The following AP3S2 variants were observed in gnomAD, a reference collection of about 807,000 sequenced individuals.
AP3S2 encodes AP-3 complex subunit sigma-2.
Under a neutral mutation model 23.4 loss-of-function variants are expected in AP3S2, and 22 were observed. That is an observed-to-expected ratio of 0.94 (90% CI 0.67 to 1.34). AP3S2 has a LOEUF of 1.34. AP3S2 is among the 40% of genes most tolerant of loss of function. The pLI is 0.00. For synonymous variants in AP3S2, 86 were observed against 87.1 expected, an observed-to-expected ratio of 0.99 and a Z score of 0.07; for missense variants, 241 against 236.9, an observed-to-expected ratio of 1.02 and a Z score of -0.11.
chr15:89,879,748 G>C (rs752680699), intron 3 of AP3S2, among the ~76,000 whole-genome samples: 10 of 151,934 alleles, frequency 6.6e-5, no homozygotes, highest in Non-Finnish European at 1.3e-4. Flanking sequence ...TGGGACTACA[G>C]GCACCTGTCA....
intron 4 of AP3S2, among the ~76,000 whole-genome samples, chr15:89,853,320 C>T (rs2141853621): frequency 6.6e-6 from 1 of 152,238 alleles, no homozygotes; most frequent in South Asian, 2.1e-4. Flanking sequence ...AGCAATTATT[C>T]ACTAATTCCG....
intron 4 of AP3S2, among the ~76,000 whole-genome samples, chr15:89,859,684 C>T (rs1326175769): frequency 4.0e-5 from 6 of 151,572 alleles, no homozygotes; most frequent in African/African-American, 9.7e-5. Flanking sequence ...CTCGAGCCAC[C>T]GCGCCCAGCC....
intron 4 of AP3S2, among the ~76,000 whole-genome samples, chr15:89,846,365 T>C (rs1013875781): frequency 6.6e-6 from 1 of 152,052 alleles, no homozygotes; most frequent in African/African-American, 2.4e-5. Flanking sequence ...TCTTTATTTT[T>C]TTTTTTTCTT....
At position 89,840,310 on chromosome 15, in the gene AP3S2, G is replaced by C. The variant is rs28445616; in HGVS notation, c.346-2588C>G. 3.3e-5 allele frequency among the ~76,000 whole-genome samples: 5 copies of C among 152,250 alleles called. No homozygotes were observed. The South Asian group carries it at 1.0e-3, about 32-fold the overall frequency. ...TATTCCTTTTATTTAGCCAATCCCT[G>C]TGTGGGTAGAAAGTAGTACTTGTTG... On this transcript the variant is annotated intron_variant, in intron 4 of 5. Coordinates refer to ENST00000336418, the MANE Select transcript of AP3S2 (RefSeq NM_005829.5).
At chr15:89,872,982 A>G (rs1278809468) in intron 3 of AP3S2, among the ~76,000 whole-genome samples, 1 of 152,212 alleles carries the variant, frequency 6.6e-6, no homozygotes, top group Admixed American at 6.5e-5. Flanking sequence ...CCCAGATAAC[A>G]TATCTAACAG....
intron 3 of AP3S2, among the ~76,000 whole-genome samples, chr15:89,886,210 A>G (rs1403380321): frequency 1.3e-5 from 2 of 151,992 alleles, no homozygotes; most frequent in African/African-American, 4.8e-5. Context: ...TTAGCTGGGC[A>G]TGTGCCTGTA....
chr15:89,868,280 G>A (rs1181511174), intron 4 of AP3S2, among the ~76,000 whole-genome samples: 43 of 60,814 alleles, frequency 7.1e-4, no homozygotes, highest in Middle Eastern at 0.014. Flanking sequence ...CTGCCCGGCC[G>A]CCCCTACTGG....
chr15:89,836,159 T>C (rs1895186857), intron 5 of AP3S2, among the ~76,000 whole-genome samples: 1 of 152,174 alleles, frequency 6.6e-6, no homozygotes. Context: ...TGAGGTTAGA[T>C]GGGGTTTGGC....
At chr15:89,878,185 GGGT>G in intron 3 of AP3S2, 2 of 605,962 alleles carry the variant, frequency 3.3e-6, no homozygotes. Flanking sequence ...CAAATAAGCT[GGGT>G]GGTGATGATA....
At chr15:89,858,214 G>A (rs915042620) in intron 4 of AP3S2, among the ~76,000 whole-genome samples, 1 of 151,894 alleles carries the variant, frequency 6.6e-6, no homozygotes, top group African/African-American at 2.4e-5. Context: ...GAGACAGGCG[G>A]ATCACCTGAG....
chr15:89,839,400 C>T (rs901705654), intron 4 of AP3S2, among the ~76,000 whole-genome samples: 6 of 152,230 alleles, frequency 3.9e-5, no homozygotes, highest in African/African-American at 1.4e-4. Flanking sequence ...CACACGCACA[C>T]ACACACTCTC....
chr15:89,891,808 G>A (rs1356255289), intron 1 of AP3S2, among the ~76,000 whole-genome samples: 1 of 152,088 alleles, frequency 6.6e-6, no homozygotes, highest in East Asian at 1.9e-4. Context: ...GCAGCCACTT[G>A]GAAAATTTGT....
At chr15:89,844,167 C>T (rs1596189011) in intron 4 of AP3S2, among the ~76,000 whole-genome samples, 2 of 152,374 alleles carry the variant, frequency 1.3e-5, no homozygotes, top group South Asian at 2.1e-4. Context: ...TTGAGAGCCA[C>T]TGAACTTTTG....
At chr15:89,851,525 G>C (rs914434314) in intron 4 of AP3S2, among the ~76,000 whole-genome samples, 16 of 152,112 alleles carry the variant, frequency 1.1e-4, no homozygotes, top group African/African-American at 3.4e-4. Context: ...TTTTAGTAGA[G>C]ATAGGGTTTC....
At position 89,835,602 on chromosome 15, in the gene AP3S2, C is replaced by T. The variant is rs777422761; in HGVS notation, c.495G>A (p.Val165=). The change falls in exon 6 of 6, where the codon GTG becomes GTA. Residue 165 remains valine, a synonymous_variant. Transcript: ENST00000336418. ...GAATCTCTGGCAGGTTGATGTTTTT[C>T]ACAGCAGACACAGCCCGCGCAGGGG... ...SAAPARAVSA[V]KNINLPEIPR... The T allele has an allele frequency of 6.2e-7, 1 of 1,610,012 alleles. No individual in the cohort carries two copies. Among genetic ancestry groups the T allele is most frequent in the Non-Finnish European group, 8.5e-7 (1 of 1,178,588 alleles).
At chr15:89,846,360 AT>A (rs896636824) in intron 4 of AP3S2, among the ~76,000 whole-genome samples, 72 of 142,996 alleles carry the variant, frequency 5.0e-4, no homozygotes, top group Non-Finnish European at 4.6e-4. Flanking sequence ...GTGTCTCTTT[AT>A]TTTTTTTTTT....
rs982127344 is a variant in AP3S2 at position 89,879,876 on chromosome 15, C to T, written c.274-8330G>A. ...TTGCAGTGAGCTGAGATCACGCCAC[C>T]GCACTCTGGGCGACAAGAGTGAGAC... On this transcript the variant is annotated intron_variant, in intron 3 of 5. Coordinates refer to ENST00000336418, the MANE Select transcript of AP3S2 (RefSeq NM_005829.5). Among the ~76,000 whole-genome samples the T allele has an allele frequency of 4.0e-5, 6 of 151,854 alleles. No individual in the cohort carries two copies. The South Asian group carries it at 1.0e-3, about 26-fold the overall frequency.
At chr15:89,841,663 G>A (rs1024169806) in intron 4 of AP3S2, among the ~76,000 whole-genome samples, 1 of 152,114 alleles carries the variant, frequency 6.6e-6, no homozygotes, top group Non-Finnish European at 1.5e-5. Flanking sequence ...TGCCTATCTC[G>A]ATTGGCTGGC....
chr15:89,849,910 G>A (rs1895602692), intron 4 of AP3S2, among the ~76,000 whole-genome samples: 2 of 151,962 alleles, frequency 1.3e-5, no homozygotes, highest in Admixed American at 6.6e-5. Flanking sequence ...TGCCATTTAT[G>A]AGTGAAAACA....
Sources: gnomAD v4.1 joint callset for allele counts (sites outside exome capture counted in the v4.1 genomes callset) on GRCh38, gnomAD v4.1.1 for gene constraint, MANE v1.5 for transcripts, NCBI Gene and HGNC (gene_info 2026-07-23, HGNC 2026-07-21) for gene names.